STPG4: variants seen among roughly 807,000 people sequenced by gnomAD.
The protein encoded by STPG4 is sperm-tail PG-rich repeat containing 4.
In STPG4, 41 loss-of-function variants were observed where a neutral mutation model predicts 31.5. The ratio of observed to expected loss-of-function variants is 1.30; its 90% CI spans 1.01 to 1.69. The LOEUF is 1.69. STPG4 is among the 40% of genes most tolerant of loss of function. The pLI, the probability that STPG4 is intolerant of heterozygous loss-of-function variation, is 0.00. For missense variants in STPG4, 375 were observed against 293.4 expected (o/e 1.28, Z -2.03); for synonymous variants, 141 against 103.0 (o/e 1.37, Z -2.24).
At position 47,151,489 on chromosome 2, in the gene STPG4, G is replaced by C. The variant is rs769653819; in HGVS notation, c.168C>G (p.His56Gln). The C allele has an allele frequency of 1.9e-6, 3 of 1,613,826 alleles. No individual in the cohort carries two copies. The African/African-American group carries it at 4.0e-5, about 22-fold the overall frequency. The stretch of plus-strand genomic sequence containing the variant: ...GGGATTCTTCAATAAAAGTTTTCAA[G>C]TGGTAAGTGCCAGGTATAGGAGTAT... Reference protein sequence around the residue: ...LTDTPIPGTYHLKTFIEESLL... With the variant: ...LTDTPIPGTYQLKTFIEESLL... The change falls in exon 3 of 7, where the codon CAC becomes CAG. Residue 56 changes from histidine (H) to glutamine (Q), a missense_variant. Coordinates refer to ENST00000445927, the MANE Select transcript of STPG4 (RefSeq NM_001163561.2).
At chr2:47,117,382 TA>T (rs1482872726) in intron 5 of STPG4, among the ~76,000 whole-genome samples, 1 of 152,196 alleles carries the variant, frequency 6.6e-6, no homozygotes, top group Non-Finnish European at 1.5e-5. Context: ...GCTAATTTTG[TA>T]ATTTTAGTAG....
rs552025758 is a variant in STPG4 at position 47,133,411 on chromosome 2, C to T, written c.400-3151G>A. Among the ~76,000 whole-genome samples, 3 of 152,098 alleles carry T rather than the reference C, an allele frequency of 2.0e-5. No individual in the cohort carries two copies. The South Asian group carries it at 6.2e-4, about 32-fold the overall frequency. On this transcript the variant is annotated intron_variant, in intron 3 of 6. Transcript: ENST00000445927. ...CAAACTCTTGGGCTCAAGCGATCCTCCCACCACAGCTTCCCTAAGTGCTCA... is the reference window on the plus strand; with the variant it reads ...CAAACTCTTGGGCTCAAGCGATCCTTCCACCACAGCTTCCCTAAGTGCTCA...
chr2:47,138,432 C>T (rs1219030601), intron 3 of STPG4, among the ~76,000 whole-genome samples: 1 of 150,516 alleles, frequency 6.6e-6, no homozygotes, highest in Non-Finnish European at 1.5e-5. Context: ...TACTCTGTCA[C>T]CCAGGCTATA....
chr2:47,148,594 A>C (rs1254733991), intron 3 of STPG4, among the ~76,000 whole-genome samples: 2 of 152,080 alleles, frequency 1.3e-5, no homozygotes, highest in African/African-American at 2.4e-5. Context: ...GGTTTGTTAC[A>C]TATGTATACA....
intron 5 of STPG4, among the ~76,000 whole-genome samples, chr2:47,100,885 G>C (rs1424357681): frequency 1.3e-5 from 2 of 151,778 alleles, no homozygotes; most frequent in Admixed American, 6.6e-5. Flanking sequence ...ACAAACTCCA[G>C]ACGCGCCACC....
chr2:47,153,061 C>T (rs747974764), intron 1 of STPG4, 45 bp from the exon 2 acceptor site: 3 of 1,461,836 alleles, frequency 2.1e-6, no homozygotes, highest in South Asian at 1.2e-5. Flanking sequence ...AGAGGTGATC[C>T]CTTGAAATTA....
intron 5 of STPG4, 156 bp downstream of exon 5, chr2:47,129,784 GT>G (rs1686436511): frequency 2.4e-6 from 2 of 849,114 alleles, no homozygotes; most frequent in Non-Finnish European, 3.5e-6. Flanking sequence ...TCTTACAGAG[GT>G]GTTTTCTTGT....
intron 5 of STPG4, among the ~76,000 whole-genome samples, chr2:47,119,388 TCTC>T (rs1686221205): frequency 6.6e-6 from 1 of 152,138 alleles, no homozygotes; most frequent in African/African-American, 2.4e-5. Flanking sequence ...TCTCCCAAAA[TCTC>T]CTCCATAAAA....
chr2:47,092,422 G>A (rs1685586156), intron 5 of STPG4, among the ~76,000 whole-genome samples: 1 of 151,060 alleles, frequency 6.6e-6, no homozygotes, highest in Non-Finnish European at 1.5e-5. Flanking sequence ...CAGCTACTTG[G>A]GAGGCTGAGG....
intron 6 of STPG4, among the ~76,000 whole-genome samples, chr2:47,087,338 G>C (rs1373231497): frequency 6.6e-6 from 1 of 152,258 alleles, no homozygotes; most frequent in Non-Finnish European, 1.5e-5. Context: ...CTCATCATGA[G>C]GCTGGAGGGG....
At position 47,086,998 on chromosome 2, in the gene STPG4, C is replaced by G. The variant is rs1573137400; in HGVS notation, c.*10G>C. ...TAAACCTCAAAGTAGAGCTTGGTGCCAAGATCACTTTATTTTAAAAGCCAA... is the reference window on the plus strand; with the variant it reads ...TAAACCTCAAAGTAGAGCTTGGTGCGAAGATCACTTTATTTTAAAAGCCAA... On this transcript the variant is annotated 3_prime_UTR_variant, in exon 7 of 7. Transcript: ENST00000445927. 6.4e-7 allele frequency: 1 copy of G among 1,551,528 alleles called. No homozygotes were observed. Among genetic ancestry groups the G allele is most frequent in the Non-Finnish European group, 8.7e-7 (1 of 1,146,916 alleles).
intron 5 of STPG4, chr2:47,129,076 T>G (rs897207512): frequency 6.6e-6 from 1 of 152,316 alleles, no homozygotes; most frequent in Admixed American, 6.5e-5. Context: ...AAATGTTGTC[T>G]GGGAGCTAGG....
In STPG4 at chr2:47,150,619, G is replaced by A. The variant is rs188416632; in HGVS notation, c.399+639C>T. On this transcript the variant is annotated intron_variant, in intron 3 of 6. Coordinates refer to ENST00000445927, the MANE Select transcript of STPG4 (RefSeq NM_001163561.2). ...CAGCCTCAAACTCCCAGGCTCAAGG[G>A]ATCCTCCTGCCCTGGCTTCCCAAGT... Among the ~76,000 whole-genome samples, 114 of 151,536 alleles carry A rather than the reference G, an allele frequency of 7.5e-4. 1 individual carries two copies. Among genetic ancestry groups the A allele is most frequent in the African/African-American group, 2.7e-3 (110 of 41,316 alleles).
intron 5 of STPG4, among the ~76,000 whole-genome samples, chr2:47,120,463 A>G (rs1436526093): frequency 6.6e-6 from 1 of 152,144 alleles, no homozygotes; most frequent in African/African-American, 2.4e-5. Flanking sequence ...GCTATTCAGG[A>G]GGCTGAAGCA....
intron 5 of STPG4, among the ~76,000 whole-genome samples, chr2:47,119,144 T>G (rs894259829): frequency 6.6e-6 from 1 of 152,224 alleles, no homozygotes; most frequent in Non-Finnish European, 1.5e-5. Context: ...AAGAGTTTCC[T>G]CTCTGCAGTT....
chr2:47,118,566 T>G (rs1207895452), intron 5 of STPG4, among the ~76,000 whole-genome samples: 1 of 152,222 alleles, frequency 6.6e-6, no homozygotes, highest in African/African-American at 2.4e-5. Context: ...AACTGTCTTC[T>G]GTGAAACCAG....
At chr2:47,137,657 G>C (rs904421701) in intron 3 of STPG4, among the ~76,000 whole-genome samples, 42 of 152,168 alleles carry the variant, frequency 2.8e-4, no homozygotes, top group Admixed American at 2.5e-3. Context: ...CAATTTAATA[G>C]ATATAGGCCT....
chr2:47,108,425 C>G (rs1685968688), intron 5 of STPG4: 1 of 154,666 alleles, frequency 6.5e-6, no homozygotes. Context: ...GCCAGCGAGA[C>G]CACGAACCCA....
intron 5 of STPG4, among the ~76,000 whole-genome samples, chr2:47,106,607 G>T (rs1184462148): frequency 6.6e-6 from 1 of 151,920 alleles, no homozygotes; most frequent in Non-Finnish European, 1.5e-5. Context: ...GCTGAAAAAG[G>T]AGGACTCTGC....
Sources: gnomAD v4.1 joint callset for allele counts (sites outside exome capture counted in the v4.1 genomes callset) on GRCh38, gnomAD v4.1.1 for gene constraint, MANE v1.5 for transcripts, NCBI Gene and HGNC (gene_info 2026-07-23, HGNC 2026-07-21) for gene names.